Variants in STAG1 observed in about 807,000 individuals in gnomAD.
STAG1 encodes STAG1 cohesin complex component.
A neutral mutation model predicts 170.9 loss-of-function variants in STAG1; 26 were observed. The ratio of observed to expected loss-of-function variants is 0.15; its 90% CI spans 0.11 to 0.21. The LOEUF is 0.21. STAG1 is among the 10% of genes least tolerant of loss of function. The pLI, the probability that STAG1 is intolerant of heterozygous loss-of-function variation, is 1.00. For synonymous variants in STAG1, 514 were observed against 497.7 expected (o/e 1.03, Z -0.44); for missense variants, 964 against 1,509.5 (o/e 0.64, Z 5.99).
intron 22 of STAG1, among the ~76,000 whole-genome samples, chr3:136,387,797 G>C (rs2086909924): frequency 6.6e-6 from 1 of 152,142 alleles, no homozygotes; most frequent in Non-Finnish European, 1.5e-5. Context: ...TTATGATCCA[G>C]GAACCCTTAA....
At chr3:136,729,841 A>G (rs1474683091) in intron 1 of STAG1, among the ~76,000 whole-genome samples, 2 of 142,752 alleles carry the variant, frequency 1.4e-5, no homozygotes, top group African/African-American at 5.2e-5. Flanking sequence ...GCCCTCTCAA[A>G]GTGCTGAGAT....
At position 136,686,518 on chromosome 3, in the gene STAG1, G is replaced by A. The variant is rs182754488; in HGVS notation, c.-83-55537C>T. 5.4e-3 allele frequency among the ~76,000 whole-genome samples: 821 copies of A among 152,252 alleles called. 1 individual carries two copies. The highest frequency in any genetic ancestry group is 8.1e-3 in the Admixed American group (123 of 15,276). ...AGCCACAGGCATTAGCAATCGCCTC[G>A]AACCGTTAGGCCAACATCATCTTGT... On this transcript the variant is annotated intron_variant, in intron 1 of 33. Transcript: ENST00000383202.
intron 1 of STAG1, among the ~76,000 whole-genome samples, chr3:136,725,985 A>G (rs879584538): frequency 6.6e-6 from 1 of 152,172 alleles, no homozygotes; most frequent in Non-Finnish European, 1.5e-5. Flanking sequence ...CACATACAGA[A>G]TAAGAACACT....
intron 1 of STAG1, among the ~76,000 whole-genome samples, chr3:136,646,107 G>C (rs929794940): frequency 6.6e-6 from 1 of 152,148 alleles, no homozygotes; most frequent in African/African-American, 2.4e-5. Flanking sequence ...CATACACACA[G>C]TCTAGGGCTT....
intron 15 of STAG1, among the ~76,000 whole-genome samples, chr3:136,433,889 C>A (rs1019962228): frequency 6.6e-6 from 1 of 151,936 alleles, no homozygotes; most frequent in Admixed American, 6.6e-5. Context: ...AAACTCTGGT[C>A]TCTTCTAATG....
intron 15 of STAG1, 44 bp from the exon 16 acceptor site, chr3:136,433,703 A>T (rs758240335): frequency 3.1e-6 from 4 of 1,297,012 alleles, no homozygotes; most frequent in Non-Finnish European, 4.4e-6. Flanking sequence ...ACAGTTTTAC[A>T]ACAACCATGT....
intron 1 of STAG1, among the ~76,000 whole-genome samples, chr3:136,732,766 T>G (rs1315711095): frequency 1.3e-5 from 2 of 152,060 alleles, no homozygotes; most frequent in Non-Finnish European, 2.9e-5. Flanking sequence ...CCCACCACCA[T>G]GCCAGGCTAA....
intron 16 of STAG1, among the ~76,000 whole-genome samples, chr3:136,424,949 C>A (rs2088072128): frequency 6.6e-6 from 1 of 152,148 alleles, no homozygotes; most frequent in South Asian, 2.1e-4. Flanking sequence ...AAGAGATTCT[C>A]CTGCCTCAGC....
chr3:136,696,033 G>A (rs977918525), intron 1 of STAG1, among the ~76,000 whole-genome samples: 8 of 152,192 alleles, frequency 5.3e-5, no homozygotes, highest in Non-Finnish European at 1.5e-5. Flanking sequence ...CATACACACA[G>A]AGCAGGATAA....
At position 136,338,572 on chromosome 3, in the gene STAG1, A is replaced by C. The variant is rs957953457; in HGVS notation, c.3673-122T>G. 4 of 684,554 alleles carry C rather than the reference A, an allele frequency of 5.8e-6. No individual in the cohort carries two copies. In the Admixed American group the frequency reaches 1.2e-4, roughly 20 times the overall value. 42.4% of individuals were successfully genotyped at this position (684,554 alleles called of 1,614,324 possible). A position where few individuals can be genotyped will look rare whatever the true frequency, so the allele number is the denominator to read the frequency against. On this transcript the variant is annotated intron_variant, in intron 32 of 33. Transcript: ENST00000383202. The stretch of plus-strand genomic sequence containing the variant: ...TGGAACTGCTAAGAGTCAATTTTGA[A>C]AGGAAGAAGAGAATCTGGCTTTTAT...
intron 22 of STAG1, among the ~76,000 whole-genome samples, chr3:136,381,997 T>C (rs1937993591): frequency 6.6e-6 from 1 of 152,170 alleles, no homozygotes; most frequent in African/African-American, 2.4e-5. Flanking sequence ...TTGCATATAG[T>C]AGATATTTAA....
rs141069284 is a variant in STAG1, at chr3:136,601,817, T to C, written c.297+2492A>G. Among the ~76,000 whole-genome samples, 207 of 151,114 alleles carry C rather than the reference T, an allele frequency of 1.4e-3. 7 individuals are homozygous for C. In the East Asian group the frequency reaches 0.029, roughly 21 times the overall value. ...GTCCACTGTACTTCAGCCTGGCTAA[T>C]AGAGAGAGGCTCATTCTCCAAAAAA... is the stretch of plus-strand genomic sequence containing the variant. On this transcript the variant is annotated intron_variant, in intron 4 of 33. Coordinates refer to ENST00000383202, the MANE Select transcript of STAG1 (RefSeq NM_005862.3).
At chr3:136,510,831 G>A (rs1934030323) in intron 7 of STAG1, among the ~76,000 whole-genome samples, 2 of 152,184 alleles carry the variant, frequency 1.3e-5, no homozygotes, top group South Asian at 2.1e-4. Context: ...AGTCTGGAGT[G>A]CAGTAGTGCA....
At chr3:136,635,350 G>C (rs1009999556) in intron 1 of STAG1, among the ~76,000 whole-genome samples, 10 of 151,966 alleles carry the variant, frequency 6.6e-5, no homozygotes, top group African/African-American at 1.9e-4. Context: ...ATCATATAAA[G>C]AGCCAAAAAA....
At chr3:136,658,126 G>A (rs936304558) in intron 1 of STAG1, among the ~76,000 whole-genome samples, 3 of 149,952 alleles carry the variant, frequency 2.0e-5, no homozygotes, top group Admixed American at 6.6e-5. Context: ...GCAGTTCCAG[G>A]TTACACTGAG....
rs1419499186 is a variant in STAG1, at chr3:136,369,244, G to A, written c.2409C>T (p.Ser803=). 3.1e-6 allele frequency: 5 copies of A among 1,601,294 alleles called. No individual in the cohort carries two copies. In the Admixed American group the frequency reaches 7.1e-5, roughly 23 times the overall value. ...CTCTGCCACCTGTCATTAATTGGTGGCTGAAAATCATCAGAAGATCACAGA... is the reference window on the plus strand; with the variant it reads ...CTCTGCCACCTGTCATTAATTGGTGACTGAAAATCATCAGAAGATCACAGA... The part of the protein sequence containing the change: ...MLLCDLLMIF[S]HQLMTGGREG... The change falls in exon 24 of 34, where the codon AGC becomes AGT. Residue 803 remains serine (S), a synonymous_variant. Coordinates refer to ENST00000383202, the MANE Select transcript of STAG1 (RefSeq NM_005862.3).
At chr3:136,510,248 C>T (rs1933984187) in intron 7 of STAG1, among the ~76,000 whole-genome samples, 1 of 152,170 alleles carries the variant, frequency 6.6e-6, no homozygotes, top group Non-Finnish European at 1.5e-5. Flanking sequence ...ATCATGGGGG[C>T]AGTTTCCCAC....
chr3:136,702,234 G>A (rs1312282131), intron 1 of STAG1, among the ~76,000 whole-genome samples: 2 of 151,950 alleles, frequency 1.3e-5, no homozygotes, highest in Admixed American at 1.3e-4. Context: ...AACTCCTCTT[G>A]CCTCATCCTC....
At chr3:136,361,901 T>C (rs760715445) in intron 26 of STAG1, among the ~76,000 whole-genome samples, 4 of 152,048 alleles carry the variant, frequency 2.6e-5, no homozygotes. Context: ...TGTGAGCCAC[T>C]GTGCTTGGCT....
Sources: gnomAD v4.1 joint callset for allele counts (sites outside exome capture counted in the v4.1 genomes callset) on GRCh38, gnomAD v4.1.1 for gene constraint, MANE v1.5 for transcripts, NCBI Gene and HGNC (gene_info 2026-07-23, HGNC 2026-07-21) for gene names.